The following PLEKHA2 variants were observed in gnomAD, a reference collection of about 807,000 sequenced individuals.
PLEKHA2 encodes the protein pleckstrin homology domain containing A2, also known as pleckstrin homology domain-containing family A member 2.
In PLEKHA2, 28 loss-of-function variants were observed where a neutral mutation model predicts 53.2. The ratio of observed to expected loss-of-function variants is 0.53; its 90% confidence interval spans 0.39 to 0.72. The LOEUF is 0.72. PLEKHA2 is among the 30% of genes least tolerant of loss of function. The pLI is 0.00. For synonymous variants in PLEKHA2, 193 were observed against 196.4 expected (o/e 0.98, Z 0.14); for missense variants, 426 against 537.9 (o/e 0.79, Z 2.06).
chr8:38,937,936 G>A (rs1436490370), intron 3 of PLEKHA2, among the ~76,000 whole-genome samples: 4 of 152,234 alleles, frequency 2.6e-5, no homozygotes, highest in Non-Finnish European at 4.4e-5. Flanking sequence ...CTTCTCTGCT[G>A]TCTGCTGAGG....
At chr8:38,969,098 A>T in intron 11 of PLEKHA2, 1 of 330,100 alleles carries the variant, frequency 3.0e-6, no homozygotes. Context: ...ATGGGGTTTC[A>T]CCATGTTGGC....
intron 5 of PLEKHA2, among the ~76,000 whole-genome samples, chr8:38,950,368 A>G (rs917792759): frequency 2.0e-5 from 3 of 152,032 alleles, no homozygotes; most frequent in African/African-American, 7.3e-5. Context: ...TTGCCGTTTG[A>G]GTGTCTCCCT....
At chr8:38,960,927 C>T (rs1835029760) in intron 10 of PLEKHA2, 1 of 152,202 alleles carries the variant, frequency 6.6e-6, no homozygotes, top group Non-Finnish European at 1.5e-5. Flanking sequence ...TTTATCCATG[C>T]ATGGTTTTTA....
intron 5 of PLEKHA2, among the ~76,000 whole-genome samples, chr8:38,949,258 A>C (rs183432391): frequency 6.6e-6 from 1 of 151,484 alleles, no homozygotes; most frequent in African/African-American, 2.4e-5. Context: ...AAAATGAAAG[A>C]TTTCCTCAGC....
intron 10 of PLEKHA2, among the ~76,000 whole-genome samples, chr8:38,962,417 A>G (rs1835056888): frequency 6.6e-6 from 1 of 152,220 alleles, no homozygotes; most frequent in South Asian, 2.1e-4. Context: ...ACAGACAACC[A>G]GGGAAGTCTG....
At chr8:38,964,930 C>T (rs568320464) in intron 10 of PLEKHA2, among the ~76,000 whole-genome samples, 3 of 119,216 alleles carry the variant, frequency 2.5e-5, no homozygotes, top group East Asian at 2.9e-4. Context: ...ATGCTGGTCT[C>T]GAACTCCTGG....
intron 1 of PLEKHA2, among the ~76,000 whole-genome samples, chr8:38,911,770 G>A (rs894745987): frequency 2.0e-5 from 3 of 152,142 alleles, no homozygotes; most frequent in South Asian, 4.1e-4. Flanking sequence ...GGGTCTAAGA[G>A]TTTGAAAACA....
chr8:38,942,170 G>T (rs1457576892), intron 3 of PLEKHA2, among the ~76,000 whole-genome samples: 1 of 152,152 alleles, frequency 6.6e-6, no homozygotes, highest in Non-Finnish European at 1.5e-5. Flanking sequence ...GTGAGGCTGA[G>T]GCAGGAGGAT....
At chr8:38,906,963 C>T (rs1323716253) in intron 1 of PLEKHA2, among the ~76,000 whole-genome samples, 2 of 152,188 alleles carry the variant, frequency 1.3e-5, no homozygotes, top group East Asian at 1.9e-4. Flanking sequence ...ATACAGTCCT[C>T]TTTGAGATCT....
intron 1 of PLEKHA2, among the ~76,000 whole-genome samples, chr8:38,910,007 A>C (rs943751792): frequency 2.0e-5 from 3 of 146,450 alleles, no homozygotes; most frequent in Non-Finnish European, 4.5e-5. Flanking sequence ...CCCAGGCTGG[A>C]GTGCCATGGT....
chr8:38,952,729 C>T lies in PLEKHA2; in HGVS notation c.702+25C>T, dbSNP rs1481348547. On this transcript the variant is annotated intron_variant, in intron 8 of 11. Transcript: ENST00000617275. ...GGTTTGTAGTAGCTTTGCTGCCCTT[C>T]TGAGAGGTCATGGAAACTAAGAGGT... 9 of 1,603,700 alleles carry T rather than the reference C, an allele frequency of 5.6e-6. 1 individual carries two copies. The South Asian group carries it at 9.9e-5, about 18-fold the overall frequency.
intron 4 of PLEKHA2, among the ~76,000 whole-genome samples, chr8:38,944,770 A>G (rs574813074): frequency 1.3e-5 from 2 of 152,322 alleles, no homozygotes; most frequent in South Asian, 2.1e-4. Context: ...AGGGACACAG[A>G]TTTGGGTGGG....
At chr8:38,902,790 C>T (rs896321485) in intron 1 of PLEKHA2, among the ~76,000 whole-genome samples, 3 of 152,174 alleles carry the variant, frequency 2.0e-5, no homozygotes, top group African/African-American at 7.2e-5. Flanking sequence ...AACACAACCC[C>T]TGTCTTTATT....
intron 3 of PLEKHA2, among the ~76,000 whole-genome samples, chr8:38,936,259 C>A (rs1834493008): frequency 6.6e-6 from 1 of 152,126 alleles, no homozygotes; most frequent in South Asian, 2.1e-4. Context: ...GGAGGGTGGA[C>A]CTACAGCCTC....
At chr8:38,955,211 C>T (rs1424779533) in intron 9 of PLEKHA2, among the ~76,000 whole-genome samples, 1 of 152,190 alleles carries the variant, frequency 6.6e-6, no homozygotes, top group Non-Finnish European at 1.5e-5. Context: ...TCACCCCCCT[C>T]CTGCCCTTCC....
At chr8:38,927,678 A>G (rs73615962) in intron 2 of PLEKHA2, among the ~76,000 whole-genome samples, 12,594 of 152,218 alleles carry the variant, frequency 0.083, 782 homozygotes, top group East Asian at 0.19. Flanking sequence ...TTAAGGAAAC[A>G]TCCATTTTTT....
intron 1 of PLEKHA2, among the ~76,000 whole-genome samples, chr8:38,905,931 A>G (rs1342171505): frequency 3.3e-5 from 5 of 152,070 alleles, no homozygotes; most frequent in Non-Finnish European, 5.9e-5. Context: ...TGATCCACCC[A>G]CCTTGGACTC....
In PLEKHA2 at chr8:38,901,440, G is replaced by T. The variant is rs1399987422; in HGVS notation, c.-29G>T. 3.0e-4 allele frequency: 1 copy of T among 3,360 alleles called. No individual in the cohort carries two copies. Among genetic ancestry groups the T allele is most frequent in the Non-Finnish European group, 4.7e-3 (1 of 212 alleles). The allele number at this position is 3,360 out of a possible 1,614,324, so 0.2% of individuals were successfully genotyped here. On this transcript the variant is annotated 5_prime_UTR_variant, in exon 1 of 12. Coordinates refer to ENST00000617275, the MANE Select transcript of PLEKHA2 (RefSeq NM_021623.2). ...CCCGCCCGAGCCCCGGCCCCTGCAC[G>T]GGGGGGTAAGTTGGGCGCCCTCGCG... is the stretch of plus-strand genomic sequence containing the variant.
intron 2 of PLEKHA2, 54 bp downstream of exon 2, chr8:38,918,124 G>A: frequency 1.9e-6 from 3 of 1,579,016 alleles, no homozygotes; most frequent in Non-Finnish European, 2.6e-6. Context: ...CACTGCGCCA[G>A]AGGAATGCAC....
Sources: gnomAD v4.1 joint callset for allele counts (sites outside exome capture counted in the v4.1 genomes callset) on GRCh38, gnomAD v4.1.1 for gene constraint, MANE v1.5 for transcripts, NCBI Gene and HGNC (gene_info 2026-07-23, HGNC 2026-07-21) for gene names.